Variants in GRIN2A observed in about 807,000 individuals in gnomAD.
The protein encoded by GRIN2A is glutamate ionotropic receptor NMDA type subunit 2A.
A neutral mutation model predicts 113.4 loss-of-function variants in GRIN2A; 22 were observed. The ratio of observed to expected loss-of-function variants is 0.19; its 90% CI spans 0.14 to 0.28. The LOEUF is 0.28. GRIN2A is among the 10% of genes least tolerant of loss of function. GRIN2A has a pLI of 1.00. For synonymous variants in GRIN2A, 827 were observed against 738.4 expected (o/e 1.12, Z -1.94); for missense variants, 1,502 against 1,887.0 (o/e 0.80, Z 3.78).
At chr16:9,871,517 A>C (rs185165015) in intron 4 of GRIN2A, among the ~76,000 whole-genome samples, 1 of 151,982 alleles carries the variant, frequency 6.6e-6, no homozygotes. Flanking sequence ...TTGTATATGC[A>C]TAATAGTTCC....
At chr16:10,042,763 A>C (rs1311894328) in intron 2 of GRIN2A, among the ~76,000 whole-genome samples, 1 of 152,186 alleles carries the variant, frequency 6.6e-6, no homozygotes, top group Non-Finnish European at 1.5e-5. Context: ...CGGCATGGGG[A>C]AACATTTACT....
chr16:9,986,461 G>A, intron 2 of GRIN2A, among the ~76,000 whole-genome samples: 1 of 151,926 alleles, frequency 6.6e-6, no homozygotes, highest in Admixed American at 6.6e-5. Flanking sequence ...TAACCAAAAG[G>A]CTCTTTTAAA....
At chr16:10,168,022 G>C (rs1167543995) in intron 2 of GRIN2A, among the ~76,000 whole-genome samples, 1 of 152,186 alleles carries the variant, frequency 6.6e-6, no homozygotes, top group Non-Finnish European at 1.5e-5. Context: ...ACAGTAAGAT[G>C]TGCAAAACAA....
chr16:10,168,406 G>T (rs2049967492), intron 2 of GRIN2A, among the ~76,000 whole-genome samples: 1 of 152,110 alleles, frequency 6.6e-6, no homozygotes, highest in South Asian at 2.1e-4. Flanking sequence ...CAAATGCTTG[G>T]CCTAAAGCAC....
chr16:10,156,051 C>A (rs373642350), intron 2 of GRIN2A, among the ~76,000 whole-genome samples: 1 of 152,192 alleles, frequency 6.6e-6, no homozygotes, highest in African/African-American at 2.4e-5. Context: ...GGACCCTGGA[C>A]GATGAAAAGG....
At position 9,824,146 on chromosome 16, in the gene GRIN2A, T is replaced by C. The variant is rs528513284; in HGVS notation, c.2008-1722A>G. Among the ~76,000 whole-genome samples the C allele has an allele frequency of 9.2e-5, 14 of 152,368 alleles. No homozygotes were observed. In the East Asian group the frequency reaches 2.7e-3, roughly 29 times the overall value. The stretch of plus-strand genomic sequence containing the variant: ...CATGCTGCTGCCTAATATGCAGTCA[T>C]AACTGGATTTGGGAGAAGTGGCCAT... On this transcript the variant is annotated intron_variant, in intron 9 of 12. Transcript: ENST00000330684.
At chr16:10,136,972 G>T (rs1199392481) in intron 2 of GRIN2A, among the ~76,000 whole-genome samples, 1 of 152,152 alleles carries the variant, frequency 6.6e-6, no homozygotes, top group Non-Finnish European at 1.5e-5. Flanking sequence ...AGGCAACTGG[G>T]CCTTAAGATC....
intron 11 of GRIN2A, among the ~76,000 whole-genome samples, chr16:9,794,415 C>G (rs1324409243): frequency 6.6e-6 from 1 of 152,248 alleles, no homozygotes; most frequent in African/African-American, 2.4e-5. Flanking sequence ...CTGCTCAGCA[C>G]TGTGCTCTTT....
rs74815463 is a variant in GRIN2A at position 10,022,583 on chromosome 16, C to T, written c.415-84032G>A. On this transcript the variant is annotated intron_variant, in intron 2 of 12. Coordinates refer to ENST00000330684, the MANE Select transcript of GRIN2A (RefSeq NM_001134407.3). The stretch of plus-strand genomic sequence containing the variant: ...GTGCTGCACCATAGTCTATTTCCCA[C>T]CCTCTCTTCCCTCACCTCAGACTGA... Among the ~76,000 whole-genome samples the T allele has an allele frequency of 8.9e-3, 1,355 of 152,310 alleles. 6 individuals carry two copies. Among genetic ancestry groups the T allele is most frequent in the Non-Finnish European group, 0.014 (952 of 68,026 alleles).
Position 9,980,610 on chromosome 16 carries a change from A to G in GRIN2A, c.415-42059T>C, listed in dbSNP as rs1006210427. On this transcript the variant is annotated intron_variant, in intron 2 of 12. Coordinates refer to ENST00000330684, the MANE Select transcript of GRIN2A (RefSeq NM_001134407.3). Reference sequence around the variant, plus strand: ...CCCAAATGTCCAACAATGATAGACTAGATTAAGAAAATGTGGCACATATAC... The same window carrying G: ...CCCAAATGTCCAACAATGATAGACTGGATTAAGAAAATGTGGCACATATAC... 3.9e-5 allele frequency among the ~76,000 whole-genome samples: 6 copies of G among 152,222 alleles called. No homozygotes were observed. The South Asian group carries it at 6.2e-4, about 16-fold the overall frequency.
chr16:9,828,290 C>T (rs1355047469), intron 9 of GRIN2A, among the ~76,000 whole-genome samples: 3 of 152,144 alleles, frequency 2.0e-5, no homozygotes, highest in Non-Finnish European at 4.4e-5. Flanking sequence ...AAGCCTCAAT[C>T]GGAAGCCATC....
At chr16:9,788,136 C>T (rs1283962334) in intron 11 of GRIN2A, among the ~76,000 whole-genome samples, 1 of 152,180 alleles carries the variant, frequency 6.6e-6, no homozygotes, top group East Asian at 1.9e-4. Context: ...ATTGCCTGAA[C>T]TATCACTTAG....
At chr16:10,038,990 C>T (rs917994450) in intron 2 of GRIN2A, among the ~76,000 whole-genome samples, 2 of 152,134 alleles carry the variant, frequency 1.3e-5, no homozygotes, top group African/African-American at 4.8e-5. Flanking sequence ...CCCCTGGCCC[C>T]CTCATCCCCC....
chr16:9,773,224 G>A (rs865848610), intron 11 of GRIN2A, among the ~76,000 whole-genome samples: 5 of 152,182 alleles, frequency 3.3e-5, no homozygotes, highest in African/African-American at 1.2e-4. Flanking sequence ...GGCTTAAACT[G>A]GGCAGCATTG....
intron 2 of GRIN2A, among the ~76,000 whole-genome samples, chr16:10,135,641 G>A (rs780327983): frequency 6.6e-6 from 1 of 152,164 alleles, no homozygotes; most frequent in Non-Finnish European, 1.5e-5. Flanking sequence ...TACATGACAA[G>A]GAATTGGCTT....
At chr16:10,133,142 T>A (rs535811866) in intron 2 of GRIN2A, among the ~76,000 whole-genome samples, 18 of 152,332 alleles carry the variant, frequency 1.2e-4, no homozygotes, top group African/African-American at 3.6e-4. Context: ...AATCACATCT[T>A]CAAAATCCCT....
Position 9,798,418 on chromosome 16 carries a change from C to A in GRIN2A, c.2215G>T (p.Ala739Ser). ...AGCTTGCAGCCTTCATCCCTCCCAG[C>A]CTTGTAATTCAAGACTGCGGCATCG... ...IYDAAVLNYK[A>S]GRDEGCKLVT... Residue 739 changes from alanine (A) to serine (S), a missense_variant, in exon 11 of 13, where the codon GCT (alanine) becomes TCT (serine). By Grantham distance (99) the Ala-to-Ser change is moderately conservative (BLOSUM62 1). Around this residue, in one of 7 missense-constraint regions of GRIN2A, gnomAD observed 101 missense variants for 240.4 expected, o/e 0.42. Transcript: ENST00000330684. 3 of 1,614,080 alleles carry A rather than the reference C, an allele frequency of 1.9e-6. No homozygotes were observed. Among genetic ancestry groups the A allele is most frequent in the Non-Finnish European group, 2.5e-6 (3 of 1,179,948 alleles).
At chr16:10,148,406 C>T (rs369307961) in intron 2 of GRIN2A, among the ~76,000 whole-genome samples, 9 of 152,174 alleles carry the variant, frequency 5.9e-5, no homozygotes, top group Admixed American at 1.3e-4. Context: ...TTTTTTATTA[C>T]GAAAATTACC....
intron 2 of GRIN2A, among the ~76,000 whole-genome samples, chr16:10,083,832 T>C (rs1003945000): frequency 1.1e-4 from 16 of 152,216 alleles, no homozygotes; most frequent in Admixed American, 5.2e-4. Flanking sequence ...CTGAGTGTGG[T>C]GGCTCATGCC....
Sources: allele counts gnomAD v4.1 joint callset (sites outside exome capture counted in the v4.1 genomes callset), GRCh38; gene constraint gnomAD v4.1.1; regional missense constraint gnomAD v4.1.1; transcripts MANE v1.5; gene names NCBI Gene and HGNC (gene_info 2026-07-23, HGNC 2026-07-21).